The following DIAPH2 variants were observed in gnomAD, a reference collection of about 807,000 sequenced individuals.
The protein encoded by DIAPH2 is protein diaphanous homolog 2.
DIAPH2 carries 35 observed loss-of-function variants against 92.7 expected under a neutral mutation model. The observed-to-expected ratio is 0.38, with a 90% confidence interval of 0.29 to 0.50. DIAPH2 has a LOEUF of 0.50. Among genes scored for constraint, DIAPH2 ranks in the 20% least tolerant of loss-of-function variants. DIAPH2 has a pLI of 0.94. For synonymous variants in DIAPH2, 301 were observed against 280.4 expected (o/e 1.07, Z -0.73); for missense variants, 701 against 819.5 (o/e 0.86, Z 1.77).
intron 23 of DIAPH2, among the ~76,000 whole-genome samples, chrX:97,262,253 A>T (rs2068294900): frequency 8.9e-6 from 1 of 111,736 alleles, no homozygotes; most frequent in Non-Finnish European, 1.9e-5. Flanking sequence ...TGATAGAGAC[A>T]CTTGTTTTTA....
At chrX:96,697,322 G>T (rs767621739) in intron 1 of DIAPH2, among the ~76,000 whole-genome samples, 1 of 108,730 alleles carries the variant, frequency 9.2e-6, no homozygotes, top group Non-Finnish European at 1.9e-5. Context: ...TAACTGGCCC[G>T]AGGACATGCA....
chrX:97,552,589 A>G (rs1407044676), intron 26 of DIAPH2, among the ~76,000 whole-genome samples: 4 of 80,929 alleles, frequency 4.9e-5, no homozygotes, highest in African/African-American at 1.9e-4. Flanking sequence ...TCCTTTTTTT[A>G]CTATAAGATA....
At chrX:97,539,606 A>G (rs2071124193) in intron 26 of DIAPH2, among the ~76,000 whole-genome samples, 1 of 112,070 alleles carries the variant, frequency 8.9e-6, no homozygotes, top group African/African-American at 3.2e-5. Context: ...CCCTTGGTGT[A>G]GACAGATATG....
At chrX:96,961,594 T>C (rs1440455358) in intron 16 of DIAPH2, among the ~76,000 whole-genome samples, 1 of 109,967 alleles carries the variant, frequency 9.1e-6, no homozygotes, top group Non-Finnish European at 1.9e-5. Context: ...GTTCTTGCTT[T>C]TTTAGTTCCT....
At chrX:97,519,364 T>G (rs190350194) in intron 26 of DIAPH2, among the ~76,000 whole-genome samples, 5 of 112,324 alleles carry the variant, frequency 4.5e-5, no homozygotes, top group Middle Eastern at 4.7e-3. Flanking sequence ...AAATTCACAT[T>G]TATGGGTTAT....
At chrX:96,971,549 C>A (rs2065927736) in intron 17 of DIAPH2, among the ~76,000 whole-genome samples, 1 of 111,213 alleles carries the variant, frequency 9.0e-6, no homozygotes, top group African/African-American at 3.3e-5. Flanking sequence ...TAGAGCTAAT[C>A]AGTCAGAATT....
At chrX:96,962,484 C>T (rs374562542) in intron 16 of DIAPH2, among the ~76,000 whole-genome samples, 439 of 16,789 alleles carry the variant, frequency 0.026, 13 homozygotes, top group South Asian at 0.034. Flanking sequence ...TATATACACA[C>T]ACACACACAC....
intron 19 of DIAPH2, among the ~76,000 whole-genome samples, chrX:97,080,093 C>G (rs1398504314): frequency 9.1e-6 from 1 of 110,401 alleles, no homozygotes; most frequent in East Asian, 2.9e-4. Flanking sequence ...ATCTATTGTT[C>G]TTCTTCCACT....
At chrX:96,995,160 G>A (rs989190644) in intron 17 of DIAPH2, among the ~76,000 whole-genome samples, 6 of 111,760 alleles carry the variant, frequency 5.4e-5, no homozygotes, top group Non-Finnish European at 1.1e-4. Flanking sequence ...TAGTTTCGTC[G>A]TGTAGATTAT....
intron 26 of DIAPH2, among the ~76,000 whole-genome samples, chrX:97,572,680 CCAAAGAATCT>C (rs2071377195): frequency 8.9e-6 from 1 of 111,940 alleles, no homozygotes; most frequent in Non-Finnish European, 1.9e-5. Context: ...TCTTTATTTG[CCAAAGAATCT>C]CTGTAATTGG....
chrX:97,212,720 T>C (rs2067851554), intron 22 of DIAPH2, among the ~76,000 whole-genome samples: 1 of 109,664 alleles, frequency 9.1e-6, no homozygotes, highest in African/African-American at 3.3e-5. Flanking sequence ...TAACCAGTTA[T>C]GTGATATTAG....
At chrX:97,360,807 G>A (rs968306212) in intron 24 of DIAPH2, among the ~76,000 whole-genome samples, 1 of 111,505 alleles carries the variant, frequency 9.0e-6, no homozygotes, top group African/African-American at 3.3e-5. Context: ...TGACATCTAC[G>A]AGATATTATT....
At chrX:97,441,987 C>G (rs1212007332) in intron 26 of DIAPH2, 1 of 112,073 alleles carries the variant, frequency 8.9e-6, no homozygotes, top group African/African-American at 3.2e-5. Context: ...ACCATTTATC[C>G]CCTATTTATA....
At chrX:97,185,474 C>CACATATAT (rs2067590829) in intron 22 of DIAPH2, among the ~76,000 whole-genome samples, 3 of 10,504 alleles carry the variant, frequency 2.9e-4, no homozygotes, top group African/African-American at 9.7e-4. Context: ...TATATATACA[C>CACATATAT]ATATATATAT....
intron 21 of DIAPH2, among the ~76,000 whole-genome samples, chrX:97,129,819 A>C (rs921439849): frequency 9.0e-6 from 1 of 111,516 alleles, no homozygotes; most frequent in Admixed American, 9.5e-5. Flanking sequence ...AGTGAAAAAA[A>C]GGCAACCCAC....
chrX:97,137,270 CATATATATAT>C (rs57799375), intron 21 of DIAPH2, among the ~76,000 whole-genome samples: 5,438 of 68,239 alleles, frequency 0.08, 145 homozygotes, highest in Middle Eastern at 0.087. Context: ...CGCAGTTATA[CATATATATAT>C]ATATATATAT....
chrX:97,190,486 C>T (rs1412939778), intron 22 of DIAPH2, among the ~76,000 whole-genome samples: 1 of 112,351 alleles, frequency 8.9e-6, no homozygotes, highest in East Asian at 2.8e-4. Flanking sequence ...ATCTTAGCAA[C>T]TTCAGAAGGA....
intron 15 of DIAPH2, among the ~76,000 whole-genome samples, chrX:96,954,816 C>A (rs964662397): frequency 2.7e-5 from 3 of 111,661 alleles, no homozygotes; most frequent in African/African-American, 9.8e-5. Flanking sequence ...GAAATGGATG[C>A]TATTTAGTAT....
intron 1 of DIAPH2, among the ~76,000 whole-genome samples, chrX:96,699,496 G>C (rs1162237776): frequency 8.9e-6 from 1 of 111,741 alleles, no homozygotes; most frequent in East Asian, 2.8e-4. Flanking sequence ...CTAGTGAATA[G>C]AGGCCTGGGT....
Sources: gnomAD v4.1 joint callset for allele counts (sites outside exome capture counted in the v4.1 genomes callset) on GRCh38, gnomAD v4.1.1 for gene constraint, MANE v1.5 for transcripts, NCBI Gene and HGNC (gene_info 2026-07-23, HGNC 2026-07-21) for gene names.